Variants in STPG4 observed in about 807,000 individuals in gnomAD.
STPG4 encodes the protein sperm-tail PG-rich repeat containing 4, also known as protein STPG4.
In STPG4, 41 loss-of-function variants were observed where a neutral mutation model predicts 31.5. That is an observed-to-expected ratio of 1.30 (90% confidence interval 1.01 to 1.69). STPG4 has a LOEUF of 1.69. Ranked by LOEUF, STPG4 falls within the 40% of genes most tolerant of loss-of-function variation. The pLI, the probability that STPG4 is intolerant of heterozygous loss-of-function variation, is 0.00. For synonymous variants in STPG4, 141 were observed against 103.0 expected (o/e 1.37, Z -2.24); for missense variants, 375 against 293.4 (o/e 1.28, Z -2.03).
chr2:47,134,349 C>T (rs1686551685), intron 3 of STPG4, among the ~76,000 whole-genome samples: 1 of 152,164 alleles, frequency 6.6e-6, no homozygotes, highest in Non-Finnish European at 1.5e-5. Flanking sequence ...ATCCTGTGTT[C>T]TCCCTAATTA....
At chr2:47,133,582 T>TTTTTTTTTTTG in intron 3 of STPG4, among the ~76,000 whole-genome samples, 1 of 129,640 alleles carries the variant, frequency 7.7e-6, no homozygotes, top group Non-Finnish European at 1.7e-5. Context: ...TTTTTTTTTT[T>TTTTTTTTTTTG]TTTTTTTTTT....
At chr2:47,106,937 T>G (rs1182979995) in intron 5 of STPG4, among the ~76,000 whole-genome samples, 1 of 152,104 alleles carries the variant, frequency 6.6e-6, no homozygotes, top group Admixed American at 6.5e-5. Flanking sequence ...CGAGGACCCC[T>G]GGACCGACCC....
chr2:47,096,208 A>G (rs922150552), intron 5 of STPG4, among the ~76,000 whole-genome samples: 3 of 152,312 alleles, frequency 2.0e-5, no homozygotes, highest in East Asian at 3.9e-4. Context: ...AAATAAATAA[A>G]TCAATCAATC....
intron 3 of STPG4, among the ~76,000 whole-genome samples, chr2:47,135,373 AG>A: frequency 6.6e-6 from 1 of 152,196 alleles, no homozygotes; most frequent in Non-Finnish European, 1.5e-5. Flanking sequence ...GTCTGTGTCT[AG>A]ATTCTTTTCC....
At chr2:47,110,695 G>T (rs77983844) in intron 5 of STPG4, among the ~76,000 whole-genome samples, 1 of 152,148 alleles carries the variant, frequency 6.6e-6, no homozygotes, top group Non-Finnish European at 1.5e-5. Context: ...GCCATTAAAA[G>T]AATTTTAATG....
intron 5 of STPG4, among the ~76,000 whole-genome samples, chr2:47,099,656 C>A (rs112103714): frequency 6.6e-6 from 1 of 152,278 alleles, no homozygotes; most frequent in African/African-American, 2.4e-5. Context: ...TTCAGCCCAC[C>A]GCTGCACTGT....
At chr2:47,117,625 G>C (rs1686178692) in intron 5 of STPG4, among the ~76,000 whole-genome samples, 1 of 152,226 alleles carries the variant, frequency 6.6e-6, no homozygotes, top group Admixed American at 6.5e-5. Context: ...ATATGTATAA[G>C]TTTGTGTGTG....
At chr2:47,113,008 A>C (rs1686073803) in intron 5 of STPG4, among the ~76,000 whole-genome samples, 1 of 151,068 alleles carries the variant, frequency 6.6e-6, no homozygotes, top group Non-Finnish European at 1.5e-5. Flanking sequence ...AAAAAAAAAA[A>C]AAAAATCACA....
chr2:47,155,267 C>T lies in STPG4; in HGVS notation c.-16G>A, dbSNP rs1687009577. ...GCTGGTCCATGGTGGCCTCCTCTCT[C>T]TCTAGGCTGAACCTGAGCTCCGGTT... On this transcript the variant is annotated 5_prime_UTR_variant, in exon 1 of 7. Transcript: ENST00000445927. The T allele has an allele frequency of 1.2e-6, 2 of 1,613,834 alleles. No homozygotes were observed. The highest frequency in any genetic ancestry group is 1.7e-5 in the Admixed American group (1 of 60,008).
intron 5 of STPG4, among the ~76,000 whole-genome samples, chr2:47,119,690 C>T (rs2103766152): frequency 6.6e-6 from 1 of 152,276 alleles, no homozygotes; most frequent in African/African-American, 2.4e-5. Context: ...TATTGTAGAA[C>T]AGACTAGGGG....
At chr2:47,131,230 G>C (rs559043766) in intron 3 of STPG4, among the ~76,000 whole-genome samples, 2 of 152,180 alleles carry the variant, frequency 1.3e-5, no homozygotes, top group South Asian at 4.2e-4. Context: ...AGGCTCAAGT[G>C]ATCCTCCCAC....
In STPG4 at chr2:47,095,457, T is replaced by C. The variant is rs528392901; in HGVS notation, c.520-5083A>G. 3.9e-5 allele frequency among the ~76,000 whole-genome samples: 6 copies of C among 152,154 alleles called. No individual in the cohort carries two copies. In the East Asian group the frequency reaches 1.2e-3, roughly 29 times the overall value. ...ATGAACAGATTGTCCCTCACAGCACTCAGAAGGAACCCACACTGCCAACAC... is the reference window on the plus strand; with the variant it reads ...ATGAACAGATTGTCCCTCACAGCACCCAGAAGGAACCCACACTGCCAACAC... On this transcript the variant is annotated intron_variant, in intron 5 of 6. Coordinates refer to ENST00000445927, the MANE Select transcript of STPG4 (RefSeq NM_001163561.2).
intron 5 of STPG4, among the ~76,000 whole-genome samples, chr2:47,127,212 C>T (rs779929501): frequency 5.1e-5 from 7 of 137,788 alleles, no homozygotes; most frequent in Non-Finnish European, 9.3e-5. Flanking sequence ...CTTTTGTCTC[C>T]TTTGACTGTA....
At chr2:47,101,510 C>T (rs1468951057) in intron 5 of STPG4, among the ~76,000 whole-genome samples, 1 of 151,860 alleles carries the variant, frequency 6.6e-6, no homozygotes, top group Non-Finnish European at 1.5e-5. Flanking sequence ...CCTCTCTTCT[C>T]TGAGGTTAGT....
At chr2:47,118,909 A>T (rs1254383711) in intron 5 of STPG4, among the ~76,000 whole-genome samples, 1 of 152,232 alleles carries the variant, frequency 6.6e-6, no homozygotes, top group Non-Finnish European at 1.5e-5. Flanking sequence ...TCCAGTTTTA[A>T]CAATCCTTCA....
At chr2:47,106,892 T>C (rs547200981) in intron 5 of STPG4, among the ~76,000 whole-genome samples, 1 of 152,048 alleles carries the variant, frequency 6.6e-6, no homozygotes, top group African/African-American at 2.4e-5. Context: ...GTTTTACAAA[T>C]GGAACCCCAA....
chr2:47,117,899 T>G (rs1411884065), intron 5 of STPG4, among the ~76,000 whole-genome samples: 1 of 150,594 alleles, frequency 6.6e-6, no homozygotes, highest in African/African-American at 2.5e-5. Context: ...AAGTTGTCAC[T>G]TTAGAGATAG....
At chr2:47,114,988 G>C (rs887308674) in intron 5 of STPG4, among the ~76,000 whole-genome samples, 2 of 151,964 alleles carry the variant, frequency 1.3e-5, no homozygotes, top group African/African-American at 2.4e-5. Flanking sequence ...GGCTGGTCTC[G>C]AACTCCTGAT....
At chr2:47,087,746 T>G (rs767017798) in intron 6 of STPG4, among the ~76,000 whole-genome samples, 1 of 152,108 alleles carries the variant, frequency 6.6e-6, no homozygotes, top group Non-Finnish European at 1.5e-5. Flanking sequence ...CAAATATTAT[T>G]ATTTATTTAT....
Sources: gnomAD v4.1 joint callset for allele counts (sites outside exome capture counted in the v4.1 genomes callset) on GRCh38, gnomAD v4.1.1 for gene constraint, MANE v1.5 for transcripts, NCBI Gene and HGNC (gene_info 2026-07-23, HGNC 2026-07-21) for gene names.